The following HOXB6 variants were observed in gnomAD, a reference collection of about 807,000 sequenced individuals.
HOXB6 encodes the protein homeobox protein Hox-B6.
In HOXB6, 18 loss-of-function variants were observed where a neutral mutation model predicts 24.2. The observed-to-expected ratio is 0.74, with a 90% CI of 0.51 to 1.10. The LOEUF is 1.10. Ranked by LOEUF, HOXB6 falls within the 50% of genes least tolerant of loss-of-function variation. HOXB6 has a pLI of 0.00. For synonymous variants in HOXB6, 159 were observed against 139.1 expected (o/e 1.14, Z -1.01); for missense variants, 332 against 308.3 (o/e 1.08, Z -0.58).
intron 2 of HOXB6, among the ~76,000 whole-genome samples, chr17:48,599,532 C>A (rs1393700668): frequency 6.6e-6 from 1 of 152,240 alleles, no homozygotes; most frequent in East Asian, 1.9e-4. Flanking sequence ...CATCAGCCAG[C>A]ATCCCCTCTC....
In HOXB6 at chr17:48,595,815, T is replaced by TCAC. The variant is rs2070267160; in HGVS notation, c.*597_*598insGTG. The TCAC allele has an allele frequency of 4.5e-6, 1 of 223,828 alleles. No homozygotes were observed. The highest frequency in any genetic ancestry group is 9.2e-6 in the Non-Finnish European group (1 of 109,136). 13.9% of individuals were successfully genotyped at this position (223,828 alleles called of 1,614,324 possible). A position where few individuals can be genotyped will look rare whatever the true frequency, so the allele number is the denominator to read the frequency against. On this transcript the variant is annotated 3_prime_UTR_variant, in exon 4 of 4. Coordinates refer to ENST00000225648, the MANE Select transcript of HOXB6 (RefSeq NM_018952.5). ...ATTATTATTATTATTATCATCATCA[T>TCAC]CATCATCATCATCATCGAAGTATTT... is the stretch of plus-strand genomic sequence containing the variant.
chr17:48,596,084 A>G lies in HOXB6; in HGVS notation c.*329T>C, dbSNP rs1432966931. 8 of 534,240 alleles carry G rather than the reference A, an allele frequency of 1.5e-5. No homozygotes were observed. Among genetic ancestry groups the G allele is most frequent in the Non-Finnish European group, 2.5e-5 (7 of 277,820 alleles). The allele number at this position is 534,240 out of a possible 1,614,324, so 33.1% of individuals were successfully genotyped here. A position where few individuals can be genotyped will look rare whatever the true frequency, so the allele number is the denominator to read the frequency against. ...GGACATGGACAAAATGAGACGCGAC[A>G]GGGACAAGAGCATTTTGCTCTGCTT... On this transcript the variant is annotated 3_prime_UTR_variant, in exon 4 of 4. Coordinates refer to ENST00000225648, the MANE Select transcript of HOXB6 (RefSeq NM_018952.5). The surrounding 1 kb of genome is among the most constrained non-coding windows in gnomAD (Gnocchi z 4.8).
In HOXB6 at chr17:48,598,246, G is replaced by C; in HGVS notation, c.-78-18C>G. 1 of 1,325,550 alleles carries C rather than the reference G, an allele frequency of 7.5e-7. No individual in the cohort carries two copies. Among genetic ancestry groups the C allele is most frequent in the Non-Finnish European group, 1.0e-6 (1 of 992,860 alleles). The allele number at this position is 1,325,550 out of a possible 1,614,324, so 82.1% of individuals were successfully genotyped here. On this transcript the variant is annotated intron_variant, in intron 2 of 3. Transcript: ENST00000225648. ...CGCCGCGCCTATTAGTAGTATATCC[G>C]AGATTGGGTTTTAGCTGAGGGGGGA...
At chr17:48,597,318 G>A (rs781623980) in intron 3 of HOXB6, among the ~76,000 whole-genome samples, 1 of 152,036 alleles carries the variant, frequency 6.6e-6, no homozygotes, top group Admixed American at 6.5e-5. Context: ...TCTCTTCAGC[G>A]TCACCCCCTA....
chr17:48,598,232 TTAG>T lies in HOXB6; in HGVS notation c.-78-7_-78-5del. 7.2e-7 allele frequency: 1 copy of T among 1,393,462 alleles called. No individual in the cohort carries two copies. Among genetic ancestry groups the T allele is most frequent in the Non-Finnish European group, 9.5e-7 (1 of 1,048,808 alleles). The allele number at this position is 1,393,462 out of a possible 1,614,324, so 86.3% of individuals were successfully genotyped here. Reference sequence around the variant, plus strand: ...TTTTATAGTCCGAGCGCCGCGCCTATTAGTAGTATATCCGAGATTGGGTTTTAG... The same window carrying T: ...TTTTATAGTCCGAGCGCCGCGCCTATTAGTATATCCGAGATTGGGTTTTAG... On this transcript the variant is annotated splice_region_variant and splice_polypyrimidine_tract_variant and intron_variant, in intron 2 of 3. Coordinates refer to ENST00000225648, the MANE Select transcript of HOXB6 (RefSeq NM_018952.5).
rs2070280565 is a variant in HOXB6, at chr17:48,596,181, G to C, written c.*232C>G. On this transcript the variant is annotated 3_prime_UTR_variant, in exon 4 of 4. Coordinates refer to ENST00000225648, the MANE Select transcript of HOXB6 (RefSeq NM_018952.5). The surrounding 1 kb of genome is among the most constrained non-coding windows in gnomAD (Gnocchi z 4.8). The stretch of plus-strand genomic sequence containing the variant: ...CTGATCAGGCTGAGGCGAGTTCCTC[G>C]GGAAGGAAGGGCGCGCGGGATGCTG... The C allele has an allele frequency of 1.4e-6, 1 of 700,576 alleles. No homozygotes were observed. Among genetic ancestry groups the C allele is most frequent in the South Asian group, 1.5e-5 (1 of 67,518 alleles). 43.4% of individuals were successfully genotyped at this position (700,576 alleles called of 1,614,324 possible). A position where few individuals can be genotyped will look rare whatever the true frequency, so the allele number is the denominator to read the frequency against.
chr17:48,598,896 G>A (rs1367724147), intron 2 of HOXB6, among the ~76,000 whole-genome samples: 6 of 152,204 alleles, frequency 3.9e-5, no homozygotes, highest in Admixed American at 3.3e-4. Flanking sequence ...TGGTCTGAGG[G>A]GGCAGGCCAG....
chr17:48,596,730 C>G lies in HOXB6; in HGVS notation c.416-58G>C, dbSNP rs988546328. On this transcript the variant is annotated intron_variant, in intron 3 of 3. Transcript: ENST00000225648. This position sits in a 1 kb window ranked among gnomAD's most constrained non-coding sequence, Gnocchi z 4.8. ...GGTCACCGGGCCCAGGACCCCCTCC[C>G]CTAGTCGACCCTCGAACACAGACTC... 2 of 1,599,892 alleles carry G rather than the reference C, an allele frequency of 1.3e-6. No homozygotes were observed. Among genetic ancestry groups the G allele is most frequent in the Non-Finnish European group, 1.7e-6 (2 of 1,178,648 alleles).
At position 48,597,796 on chromosome 17, in the gene HOXB6, C is replaced by T; in HGVS notation, c.355G>A (p.Glu119Lys). 6.2e-7 allele frequency: 1 copy of T among 1,611,440 alleles called. No individual in the cohort carries two copies. The highest frequency in any genetic ancestry group is 2.2e-5 in the East Asian group (1 of 44,788). ...ACCGGAGTGGAGCACTTCTGCTCTT[C>T]TGTCTCGCCGAACACGCTCTTGTCC... ...AQDKSVFGET[E>K]EQKCSTPVYP... Residue 119 changes from glutamate to lysine, a missense_variant, in exon 3 of 4, where the codon GAA becomes AAA. Transcript: ENST00000225648.
At chr17:48,600,593 G>GC in intron 2 of HOXB6, 2 of 452,724 alleles carry the variant, frequency 4.4e-6, no homozygotes, top group Non-Finnish European at 8.9e-6. Flanking sequence ...GGGAAAAAGA[G>GC]CAGGCGGGCA....
chr17:48,598,358 A>C (rs2144962586), intron 2 of HOXB6, 130 bp from the exon 3 acceptor site: 2 of 533,182 alleles, frequency 3.8e-6, no homozygotes, highest in East Asian at 3.1e-5. Context: ...GTCAAATAGC[A>C]CCCAGGAGGA....
intron 2 of HOXB6, among the ~76,000 whole-genome samples, chr17:48,600,082 A>G (rs1016747783): frequency 6.6e-6 from 1 of 152,186 alleles, no homozygotes; most frequent in Non-Finnish European, 1.5e-5. Context: ...AGTGTTTGAT[A>G]AGCATTTAAG....
At chr17:48,603,939 C>T (rs562258668) in intron 2 of HOXB6, 2 of 152,714 alleles carry the variant, frequency 1.3e-5, no homozygotes, top group South Asian at 4.1e-4. Context: ...GTTTCCTCTC[C>T]CTCGCCGGCC....
rs2070313614 is a variant in HOXB6 at position 48,596,914 on chromosome 17, CCTGGGGGGAGGGG to C, written c.416-255_416-243del. ...GGAGCAGTTTGAACTCCCACCTGAG[CCTGGGGGGAGGGG>C]CTGGTCAGGTGTGTCTCTTCCTAGT... On this transcript the variant is annotated intron_variant, in intron 3 of 3. Coordinates refer to ENST00000225648, the MANE Select transcript of HOXB6 (RefSeq NM_018952.5). This position sits in a 1 kb window ranked among gnomAD's most constrained non-coding sequence, Gnocchi z 4.8. 1.5e-6 allele frequency: 2 copies of C among 1,375,984 alleles called. No homozygotes were observed. The highest frequency in any genetic ancestry group is 2.9e-5 in the African/African-American group (2 of 68,724). The allele number at this position is 1,375,984 out of a possible 1,614,324, so 85.2% of individuals were successfully genotyped here. A position where few individuals can be genotyped will look rare whatever the true frequency, so the allele number is the denominator to read the frequency against.
At chr17:48,598,353 A>C in intron 2 of HOXB6, 125 bp from the exon 3 acceptor site, 1 of 555,764 alleles carries the variant, frequency 1.8e-6, no homozygotes, top group Non-Finnish European at 3.1e-6. Flanking sequence ...GAATTGTCAA[A>C]TAGCACCCAG....
chr17:48,596,281 G>T lies in HOXB6; in HGVS notation c.*132C>A. On this transcript the variant is annotated 3_prime_UTR_variant, in exon 4 of 4. Transcript: ENST00000225648. The surrounding 1 kb of genome is among the most constrained non-coding windows in gnomAD (Gnocchi z 4.8). ...GCGGGGGCGTCCAGGAGAGCGCTGG[G>T]CCCCGCCTGTCTGCGCCGGAGAGCA... is the stretch of plus-strand genomic sequence containing the variant. 2 of 1,416,448 alleles carry T rather than the reference G, an allele frequency of 1.4e-6. No homozygotes were observed. Among genetic ancestry groups the T allele is most frequent in the South Asian group, 1.2e-5 (1 of 86,266 alleles). The allele number at this position is 1,416,448 out of a possible 1,614,324, so 87.7% of individuals were successfully genotyped here.
At chr17:48,602,331 C>T in intron 2 of HOXB6, 2 of 419,472 alleles carry the variant, frequency 4.8e-6, no homozygotes, top group Admixed American at 2.7e-5. Context: ...CCTTGAACAG[C>T]CTTGGCTTCG....
chr17:48,599,913 G>T (rs2070417565), intron 2 of HOXB6, among the ~76,000 whole-genome samples: 1 of 152,170 alleles, frequency 6.6e-6, no homozygotes, highest in Non-Finnish European at 1.5e-5. Context: ...AGGGAAGGTG[G>T]CAGGGGACTG....
chr17:48,596,419 G>A lies in HOXB6; in HGVS notation c.669C>T (p.Ala223=). Residue 223 remains alanine (A), a synonymous_variant, in exon 4 of 4, where the codon GCC becomes GCT. Coordinates refer to ENST00000225648, the MANE Select transcript of HOXB6 (RefSeq NM_018952.5). The surrounding 1 kb of genome is among the most constrained non-coding windows in gnomAD (Gnocchi z 4.8). ...CCCTCCCTTTCCAGCACCTTCACTC[G>A]GCCTGTTTTTCTTCCTCCTCCTCGG... ...LSAEEEEEKQ[A]E 6.2e-7 allele frequency: 1 copy of A among 1,614,120 alleles called. No individual in the cohort carries two copies. Among genetic ancestry groups the A allele is most frequent in the East Asian group, 2.2e-5 (1 of 44,866 alleles).
Sources: gnomAD v4.1 joint callset for allele counts (sites outside exome capture counted in the v4.1 genomes callset) on GRCh38, gnomAD v4.1.1 for gene constraint, Gnocchi (gnomAD v3.1) non-coding constraint, MANE v1.5 for transcripts, NCBI Gene and HGNC (gene_info 2026-07-23, HGNC 2026-07-21) for gene names.